Variants in TTN observed in about 807,000 individuals in gnomAD.
TTN encodes the protein connectin.
In TTN, 1,525 loss-of-function variants were observed where a neutral mutation model predicts 3,223.0. That is an observed-to-expected ratio of 0.47 (90% CI 0.45 to 0.49). TTN has a LOEUF of 0.49. Ranked by LOEUF, TTN falls within the 20% of genes least tolerant of loss-of-function variation. TTN has a pLI of 0.00. For synonymous variants in TTN, 14,094 were observed against 15,161.0 expected (o/e 0.93, Z 5.17); for missense variants, 40,786 against 43,424.0 (o/e 0.94, Z 5.40).
At chr2:178,700,638 A>G (rs1315723215) in intron 111 of TTN, among the ~76,000 whole-genome samples, 1 of 152,216 alleles carries the variant, frequency 6.6e-6, no homozygotes, top group Non-Finnish European at 1.5e-5. Context: ...CCTTAGGTAC[A>G]AAAGAAGTCA....
Position 178,634,373 on chromosome 2 carries a change from A to G in TTN, c.42408T>C (p.Phe14136=), listed in dbSNP as rs1342373194. The part of the protein sequence containing the change: ...VEGKKTSARL[F]VTGIRLKFMS... ...TCTCATTAGCTCGCTTACCTGTGAC[A>G]AACAACCGAGCTGAGGTCTTCTTGC... Residue 14136 remains phenylalanine (F), a synonymous_variant, in exon 230 of 363, where the codon TTT becomes TTC. Transcript: ENST00000589042. This position sits in a 1 kb window ranked among gnomAD's most constrained non-coding sequence, Gnocchi z 4.6. 1 of 1,603,626 alleles carries G rather than the reference A, an allele frequency of 6.2e-7. No homozygotes were observed. The highest frequency in any genetic ancestry group is 1.4e-5 in the African/African-American group (1 of 74,042).
Position 178,632,584 on chromosome 2 carries a change from T to A in TTN, c.43422A>T (p.Glu14474Asp), listed in dbSNP as rs998106657. ...CTTCAGCTTCAAACATGTATTTTGC[T>A]TCATCTTCAAAAGCAGCTGACTTGA... ...MVIKSAAFED[E>D]AKYMFEAEDK... is the part of the protein sequence containing the mutation. Residue 14474 changes from glutamate to aspartate, a missense_variant, in exon 235 of 363, where the codon GAA (glutamate) becomes GAT (aspartate). Transcript: ENST00000589042. The A allele has an allele frequency of 6.2e-7, 1 of 1,613,376 alleles. No homozygotes were observed. The highest frequency in any genetic ancestry group is 8.5e-7 in the Non-Finnish European group (1 of 1,179,554).
At position 178,607,928 on chromosome 2, in the gene TTN, G is replaced by A; in HGVS notation, c.52859C>T (p.Thr17620Ile). Residue 17620 changes from threonine (T) to isoleucine (I), a missense_variant, in exon 276 of 363, where the codon ACA (threonine) becomes ATA (isoleucine). By Grantham distance (89) the Thr-to-Ile change is moderately conservative. Coordinates refer to ENST00000589042, the MANE Select transcript of TTN (RefSeq NM_001267550.2). ...CTGACGGACCTTGATCATCTTCTCT[G>A]TGCAGCGTGACCATTCATTTGTGCC... ...LVGTNEWSRC[T>I]EKMIKVRQYT... The A allele has an allele frequency of 6.2e-7, 1 of 1,612,974 alleles. No individual in the cohort carries two copies. The highest frequency in any genetic ancestry group is 1.1e-5 in the South Asian group (1 of 91,058).
chr2:178,729,561 G>C lies in TTN; in HGVS notation c.18595C>G (p.Pro6199Ala). 6.2e-7 allele frequency: 1 copy of C among 1,612,332 alleles called. No individual in the cohort carries two copies. The highest frequency in any genetic ancestry group is 2.2e-5 in the East Asian group (1 of 44,838). Reference protein sequence around the residue: ...CSIELKVKEPPTFIRELKPVE... With the variant: ...CSIELKVKEPATFIRELKPVE... ...GGCTTCAGCTCTCTGATAAAGGTGG[G>C]GGGTTCTAAAGATTCAAAAGGAAGA... The change falls in exon 64 of 363, where the codon CCC becomes GCC. Residue 6199 changes from proline (P) to alanine (A), a missense_variant. Physicochemically the swap from Pro to Ala is conservative, Grantham distance 27. Transcript: ENST00000589042.
At position 178,740,540 on chromosome 2, in the gene TTN, C is replaced by T. The variant is rs767040813; in HGVS notation, c.12693G>A (p.Glu4231=). 1.9e-6 allele frequency: 3 copies of T among 1,613,776 alleles called. No homozygotes were observed. The East Asian group carries it at 6.7e-5, about 36-fold the overall frequency. The change falls in exon 48 of 363, where the codon GAG becomes GAA. Residue 4231 remains glutamate, a synonymous_variant. Transcript: ENST00000589042. ...TCTTTTCTTTTGGTGAAAGTACTTCCTCAGCCACAGAGGTTAGATAAGAAT... is the reference window on the plus strand; with the variant it reads ...TCTTTTCTTTTGGTGAAAGTACTTCTTCAGCCACAGAGGTTAGATAAGAAT... ...PMHSYLTSVA[E]EVLSPKEKTV... is the part of the protein sequence containing the mutation.
chr2:178,561,040 T>A lies in TTN; in HGVS notation c.85092A>T (p.Arg28364=), dbSNP rs1247862466. Residue 28364 remains arginine (R), a synonymous_variant, in exon 326 of 363, where the codon CGA becomes CGT. Transcript: ENST00000589042. ...PPRVMMDVKF[R]DVIVVKAGEV... is the part of the protein sequence containing the mutation. ...CTCCAGCTTTGACAACAATAACGTC[T>A]CGGAACTTGACATCCATCATAACTC... 7.4e-6 allele frequency: 12 copies of A among 1,613,784 alleles called. No homozygotes were observed. In the Admixed American group the frequency reaches 2.0e-4, roughly 27 times the overall value.
chr2:178,672,725 T>C, intron 152 of TTN, 22 bp from the exon 153 acceptor site: 1 of 1,569,454 alleles, frequency 6.4e-7, no homozygotes, highest in Non-Finnish European at 8.7e-7. Flanking sequence ...TTAGGTGTTT[T>C]AGTTAGCTGA....
chr2:178,739,258 A>G lies in TTN; in HGVS notation c.13975T>C (p.Tyr4659His), dbSNP rs779449934. ...TTTACTTTGTCGATGACTAGCGTAT[A>G]TGTATTTTGATCTTGTAAACACTTG... ...KFKCLQDQNT[Y>H]TLVIDKVNTE... Residue 4659 changes from tyrosine to histidine, a missense_variant, in exon 48 of 363, where the codon TAT becomes CAT. Coordinates refer to ENST00000589042, the MANE Select transcript of TTN (RefSeq NM_001267550.2). 5 of 1,608,368 alleles carry G rather than the reference A, an allele frequency of 3.1e-6. No individual in the cohort carries two copies. The South Asian group carries it at 4.4e-5, about 14-fold the overall frequency.
In TTN at chr2:178,546,765, G is replaced by C. The variant is rs757099797; in HGVS notation, c.94663C>G (p.Arg31555Gly). 7 of 1,613,656 alleles carry C rather than the reference G, an allele frequency of 4.3e-6. No individual in the cohort carries two copies. In the South Asian group the frequency reaches 7.7e-5, roughly 18 times the overall value. The change falls in exon 341 of 363, where the codon CGC (arginine) becomes GGC (glycine). Residue 31555 changes from arginine (R) to glycine (G), a missense_variant. Transcript: ENST00000589042. ...RKPVSEVGDG[R>G]WLKCNYTIVS... The stretch of plus-strand genomic sequence containing the variant: ...ATGGTGTAGTTGCACTTCAGCCAGC[G>C]ACCATCTCCTACCTCACTGACTGGC...
At chr2:178,755,669 C>T (rs932609816) in intron 46 of TTN, among the ~76,000 whole-genome samples, 1 of 152,158 alleles carries the variant, frequency 6.6e-6, no homozygotes, top group African/African-American at 2.4e-5. Context: ...GTCTCAAACT[C>T]CTGACCTCAA....
chr2:178,805,894 C>T (rs1266844169), intron 1 of TTN, among the ~76,000 whole-genome samples: 1 of 152,102 alleles, frequency 6.6e-6, no homozygotes, highest in Non-Finnish European at 1.5e-5. Context: ...TTGTTAAGTG[C>T]AAGAAAGTAC....
chr2:178,663,948 C>A (rs371886013), intron 169 of TTN, 46 bp from the exon 170 acceptor site: 1 of 1,611,672 alleles, frequency 6.2e-7, no homozygotes, highest in Non-Finnish European at 8.5e-7. Flanking sequence ...ATGAAGACCG[C>A]TAGAAAAAAA....
At chr2:178,630,620 C>T (rs1438482079) in intron 238 of TTN, among the ~76,000 whole-genome samples, 184 bp downstream of exon 238, 1 of 152,034 alleles carries the variant, frequency 6.6e-6, no homozygotes, top group South Asian at 2.1e-4. Flanking sequence ...TCTGCTGGAT[C>T]AAAAGTAATG....
rs367794487 is a variant in TTN, at chr2:178,608,467, A to C, written c.52416T>G (p.Asp17472Glu). 1 of 1,593,876 alleles carries C rather than the reference A, an allele frequency of 6.3e-7. No individual in the cohort carries two copies. The highest frequency in any genetic ancestry group is 1.4e-5 in the African/African-American group (1 of 74,072). The change falls in exon 275 of 363, where the codon GAT (aspartate) becomes GAG (glutamate). Residue 17472 changes from aspartate to glutamate, a missense_variant. Asp to Glu is a conservative substitution (Grantham distance 45, BLOSUM62 2). Coordinates refer to ENST00000589042, the MANE Select transcript of TTN (RefSeq NM_001267550.2). ...LVAKDPFGPP[D>E]APDKPIVEDV... The stretch of plus-strand genomic sequence containing the variant: ...CTTCCACAATGGGCTTATCTGGTGC[A>C]TCAGGTGGTCCTGATAAAAAAATAA...
At position 178,546,466 on chromosome 2, in the gene TTN, C is replaced by T; in HGVS notation, c.94865G>A (p.Gly31622Asp). 1 of 1,613,424 alleles carries T rather than the reference C, an allele frequency of 6.2e-7. No individual in the cohort carries two copies. The highest frequency in any genetic ancestry group is 8.5e-7 in the Non-Finnish European group (1 of 1,179,516). Residue 31622 changes from glycine (G) to aspartate (D), a missense_variant, in exon 342 of 363, where the codon GGT (glycine) becomes GAT (aspartate). Physicochemically the swap from Gly to Asp is moderately conservative, Grantham distance 94. Coordinates refer to ENST00000589042, the MANE Select transcript of TTN (RefSeq NM_001267550.2). ...ACCTGCTCTGATGGTAACCAGATCA[C>T]CGTGTAATCGGGCATCCAGTTCGGC... ...PKAELDARLH[G>D]DLVTIRAGSD...
intron 67 of TTN, 105 bp downstream of exon 67, chr2:178,728,005 A>G: frequency 1.4e-6 from 2 of 1,423,940 alleles, no homozygotes. Flanking sequence ...GTATCTAAAG[A>G]ACCAGAATCA....
chr2:178,717,355 A>T lies in TTN; in HGVS notation c.25379T>A (p.Leu8460Gln). 1 of 1,609,612 alleles carries T rather than the reference A, an allele frequency of 6.2e-7. No individual in the cohort carries two copies. The highest frequency in any genetic ancestry group is 8.5e-7 in the Non-Finnish European group (1 of 1,176,596). The part of the protein sequence containing the change: ...SEHEVPPFFD[L>Q]KPVSVDLALG... The stretch of plus-strand genomic sequence containing the variant: ...AGCAAGATCTACTGATACAGGCTTT[A>T]GATCAAAGAAAGGAGGCACTTCATG... The change falls in exon 88 of 363, where the codon CTA becomes CAA. Residue 8460 changes from leucine to glutamine, a missense_variant. Physicochemically the swap from Leu to Gln is moderately radical, Grantham distance 113. Coordinates refer to ENST00000589042, the MANE Select transcript of TTN (RefSeq NM_001267550.2).
In TTN at chr2:178,582,033, T is replaced by C; in HGVS notation, c.66336A>G (p.Glu22112=). 1 of 1,613,336 alleles carries C rather than the reference T, an allele frequency of 6.2e-7. No homozygotes were observed. Among genetic ancestry groups the C allele is most frequent in the Non-Finnish European group, 8.5e-7 (1 of 1,179,500 alleles). ...GAAGACCTGTTGCTTTTAATGTTCT[T>C]TCTATAATAGGTTTTCTGTTGACCT... ...WTKVNRKPII[E]RTLKATGLQE... is the part of the protein sequence containing the mutation. Residue 22112 remains glutamate, a synonymous_variant, in exon 315 of 363, where the codon GAA becomes GAG. Coordinates refer to ENST00000589042, the MANE Select transcript of TTN (RefSeq NM_001267550.2).
In TTN at chr2:178,548,725, G is replaced by T; in HGVS notation, c.92901C>A (p.Ser30967Arg). The change falls in exon 339 of 363, where the codon AGC (serine) becomes AGA (arginine). Residue 30967 changes from serine (S) to arginine (R), a missense_variant. Ser to Arg is a moderately radical substitution (Grantham distance 110). Transcript: ENST00000589042. The surrounding 1 kb of genome is among the most constrained non-coding windows in gnomAD (Gnocchi z 4.3). ...AVWSKPDSNL[S>R]LRADIHTTDS... ...CTGTTGTATGGATATCAGCCCGAAG[G>T]CTAAGGTTAGAGTCTGGTTTGCTCC... The T allele has an allele frequency of 3.1e-6, 5 of 1,613,802 alleles. No individual in the cohort carries two copies. In the South Asian group the frequency reaches 5.5e-5, roughly 18 times the overall value.
Sources: allele counts gnomAD v4.1 joint callset (sites outside exome capture counted in the v4.1 genomes callset), GRCh38; gene constraint gnomAD v4.1.1; non-coding constraint Gnocchi (gnomAD v3.1); transcripts MANE v1.5; gene names NCBI Gene and HGNC (gene_info 2026-07-23, HGNC 2026-07-21).